The following STAC variants were observed in gnomAD, a reference collection of about 807,000 sequenced individuals.
STAC encodes SH3 and cysteine-rich domain-containing protein.
In STAC, 43 loss-of-function variants were observed where a neutral mutation model predicts 48.8. The observed-to-expected ratio is 0.88, with a 90% CI of 0.69 to 1.14. The LOEUF (loss-of-function observed/expected upper bound fraction) is 1.14, where lower values mean the gene tolerates loss of function less well. Ranked by LOEUF, STAC falls within the 50% of genes most tolerant of loss-of-function variation. The pLI is 0.00. For synonymous variants in STAC, 193 were observed against 179.5 expected (o/e 1.07, Z -0.60); for missense variants, 497 against 504.0 (o/e 0.99, Z 0.13).
At chr3:36,412,264 C>T (rs1700212104) in intron 1 of STAC, among the ~76,000 whole-genome samples, 1 of 151,880 alleles carries the variant, frequency 6.6e-6, no homozygotes, top group African/African-American at 2.4e-5. Flanking sequence ...ATGTTCTGGA[C>T]AAGAAGGAAA....
chr3:36,390,909 T>A (rs1699740763), intron 1 of STAC, among the ~76,000 whole-genome samples: 1 of 152,198 alleles, frequency 6.6e-6, no homozygotes, highest in African/African-American at 2.4e-5. Context: ...TTTTCCTAAA[T>A]TGGCTTGAGT....
Position 36,528,455 on chromosome 3 carries a change from G to A in STAC, c.921-241G>A, listed in dbSNP as rs549842677. The stretch of plus-strand genomic sequence containing the variant: ...CTGCACTCCAGCCTGGCGACAGAGC[G>A]AGACTCTGTTTAAAAAAAAAAAAAA... On this transcript the variant is annotated intron_variant, in intron 8 of 10. Transcript: ENST00000273183. 1.7e-3 allele frequency among the ~76,000 whole-genome samples: 248 copies of A among 147,416 alleles called. No homozygotes were observed. In the Middle Eastern group the frequency reaches 0.024, roughly 14 times the overall value.
chr3:36,524,321 C>T (rs529806448), intron 8 of STAC, among the ~76,000 whole-genome samples: 86 of 152,176 alleles, frequency 5.7e-4, no homozygotes, highest in African/African-American at 2.0e-3. Flanking sequence ...GGGCCAGGCG[C>T]GGTGGCTCAC....
chr3:36,416,259 C>T (rs1700316533), intron 1 of STAC, among the ~76,000 whole-genome samples: 1 of 152,068 alleles, frequency 6.6e-6, no homozygotes, highest in Non-Finnish European at 1.5e-5. Flanking sequence ...TCACTTGAGC[C>T]CAGGACTTCA....
chr3:36,539,592 G>T (rs934247460), intron 10 of STAC, among the ~76,000 whole-genome samples: 4 of 151,912 alleles, frequency 2.6e-5, no homozygotes, highest in African/African-American at 9.7e-5. Flanking sequence ...CCCAGATTTG[G>T]GGTACATATA....
At chr3:36,423,898 A>C (rs1056381178) in intron 1 of STAC, among the ~76,000 whole-genome samples, 8 of 152,124 alleles carry the variant, frequency 5.3e-5, no homozygotes, top group Non-Finnish European at 7.4e-5. Context: ...TTTTGCTCAT[A>C]AATAATCTAT....
At chr3:36,497,670 C>T (rs1343768154) in intron 6 of STAC, among the ~76,000 whole-genome samples, 1 of 151,262 alleles carries the variant, frequency 6.6e-6, no homozygotes, top group Non-Finnish European at 1.5e-5. Flanking sequence ...CTATACCAGC[C>T]TTAACTCAGG....
chr3:36,540,937 A>G (rs983958186), intron 10 of STAC, among the ~76,000 whole-genome samples: 1 of 152,208 alleles, frequency 6.6e-6, no homozygotes. Context: ...CAAAAATCAA[A>G]CTCAAACTTA....
At chr3:36,482,235 T>C (rs1368072849) in intron 2 of STAC, among the ~76,000 whole-genome samples, 5 of 152,140 alleles carry the variant, frequency 3.3e-5, no homozygotes, top group African/African-American at 4.8e-5. Flanking sequence ...TGAACACCGG[T>C]GTGCAGCACC....
Position 36,385,645 on chromosome 3 carries a change from C to G in STAC, c.111+4891C>G, listed in dbSNP as rs370319573. Among the ~76,000 whole-genome samples, 3 of 152,060 alleles carry G rather than the reference C, an allele frequency of 2.0e-5. No individual in the cohort carries two copies. The South Asian group carries it at 6.2e-4, about 32-fold the overall frequency. On this transcript the variant is annotated intron_variant, in intron 1 of 10. Transcript: ENST00000273183. ...AAGAATATTACTGACACCCCAGAAT[C>G]TCTCTCATACCCCTTTCTAATCACT...
intron 10 of STAC, among the ~76,000 whole-genome samples, chr3:36,533,275 C>T (rs1166334008): frequency 1.3e-5 from 2 of 152,144 alleles, no homozygotes; most frequent in African/African-American, 4.8e-5. Flanking sequence ...ACTGACACCC[C>T]ATCTCTGATG....
chr3:36,418,332 AT>A (rs1700365700), intron 1 of STAC, among the ~76,000 whole-genome samples: 1 of 152,260 alleles, frequency 6.6e-6, no homozygotes, highest in East Asian at 1.9e-4. Context: ...TTTCATAACT[AT>A]TTTTTAATAC....
At chr3:36,453,904 C>T (rs1696769360) in intron 2 of STAC, among the ~76,000 whole-genome samples, 1 of 152,146 alleles carries the variant, frequency 6.6e-6, no homozygotes, top group Admixed American at 6.5e-5. Context: ...TGTGAATGCA[C>T]CAATTGACAC....
At chr3:36,506,063 T>A (rs1229953069) in intron 8 of STAC, 1 of 355,428 alleles carries the variant, frequency 2.8e-6, no homozygotes, top group Non-Finnish European at 5.1e-6. Context: ...CCTAAGGAGT[T>A]CCCAGGTGGC....
intron 6 of STAC, among the ~76,000 whole-genome samples, chr3:36,502,316 T>G (rs2125711837): frequency 6.6e-6 from 1 of 152,340 alleles, no homozygotes; most frequent in East Asian, 1.9e-4. Flanking sequence ...TATGATATGT[T>G]TTCGGTAGTT....
chr3:36,434,460 T>C (rs529599532), intron 1 of STAC, among the ~76,000 whole-genome samples: 5 of 152,204 alleles, frequency 3.3e-5, no homozygotes, highest in Non-Finnish European at 7.3e-5. Flanking sequence ...CATTTGCTTG[T>C]CAAAGGTTCC....
At chr3:36,398,708 AAGAG>A (rs766475021) in intron 1 of STAC, among the ~76,000 whole-genome samples, 3 of 151,506 alleles carry the variant, frequency 2.0e-5, no homozygotes, top group South Asian at 2.1e-4. Flanking sequence ...GAAAGAAAGA[AAGAG>A]AGAAAGAAAG....
intron 6 of STAC, among the ~76,000 whole-genome samples, chr3:36,494,151 CAAAAAAAAAAA>C (rs751587518): frequency 7.0e-5 from 4 of 56,904 alleles, no homozygotes; most frequent in Non-Finnish European, 1.3e-4. Flanking sequence ...GACTCCGTCT[CAAAAAAAAAAA>C]AAAAAAAAAA....
At chr3:36,524,332 G>C (rs368811151) in intron 8 of STAC, among the ~76,000 whole-genome samples, 250 of 152,190 alleles carry the variant, frequency 1.6e-3, no homozygotes, top group African/African-American at 5.7e-3. Context: ...GGTGGCTCAC[G>C]CCTGTAATCC....
Sources: allele counts gnomAD v4.1 joint callset (sites outside exome capture counted in the v4.1 genomes callset), GRCh38; gene constraint gnomAD v4.1.1; transcripts MANE v1.5; gene names NCBI Gene and HGNC (gene_info 2026-07-23, HGNC 2026-07-21).